The following RBM45 variants were observed in gnomAD, a reference collection of about 807,000 sequenced individuals.
RBM45 encodes the protein RNA binding motif protein 45.
In RBM45, 39 loss-of-function variants were observed where a neutral mutation model predicts 58.5. That is an observed-to-expected ratio of 0.67 (90% CI 0.52 to 0.87). RBM45 has a LOEUF of 0.87. Among genes scored for constraint, RBM45 ranks in the 40% least tolerant of loss-of-function variants. RBM45 has a pLI of 0.00. For synonymous variants in RBM45, 193 were observed against 203.0 expected (o/e 0.95, Z 0.42); for missense variants, 481 against 581.6 (o/e 0.83, Z 1.78).
intron 7 of RBM45, 91 bp downstream of exon 7, chr2:178,124,003 T>A: frequency 6.6e-7 from 1 of 1,504,426 alleles, no homozygotes. Flanking sequence ...TATCTGTGTA[T>A]GAAAATTTTC....
chr2:178,112,815 G>C lies in RBM45; in HGVS notation c.269G>C (p.Cys90Ser). Reference sequence around the variant, plus strand: ...GCCATGGAGGAGATGCATGGCCAGTGCCTCGGCCCCAACGACACCAAGCCC... The same window carrying C: ...GCCATGGAGGAGATGCATGGCCAGTCCCTCGGCCCCAACGACACCAAGCCC... The part of the protein sequence containing the change: ...CRAMEEMHGQ[C>S]LGPNDTKPIK... The change falls in exon 1 of 10, where the codon TGC becomes TCC. Residue 90 changes from cysteine to serine, a missense_variant. Coordinates refer to ENST00000286070, the MANE Select transcript of RBM45 (RefSeq NM_152945.4). 6.2e-7 allele frequency: 1 copy of C among 1,611,806 alleles called. No homozygotes were observed. Among genetic ancestry groups the C allele is most frequent in the Non-Finnish European group, 8.5e-7 (1 of 1,178,298 alleles).
chr2:178,134,080 T>C (rs1286167251), downstream of RBM45, among the ~76,000 whole-genome samples: 1 of 152,084 alleles, frequency 6.6e-6, no homozygotes, highest in African/African-American at 2.4e-5. Context: ...TTTATCTGAG[T>C]AATTATCAGA....
intron 9 of RBM45, among the ~76,000 whole-genome samples, chr2:178,126,962 C>T (rs563463836): frequency 6.6e-6 from 1 of 151,906 alleles, no homozygotes; most frequent in East Asian, 1.9e-4. Flanking sequence ...TCCCCCGAGA[C>T]GTCTCGGTCT....
intron 3 of RBM45, among the ~76,000 whole-genome samples, chr2:178,135,204 A>AT (rs2088035800): frequency 6.6e-6 from 1 of 152,236 alleles, no homozygotes; most frequent in South Asian, 2.1e-4. Context: ...TTAATCTGTT[A>AT]CTTAAAGGAC....
At chr2:178,132,881 C>T (rs957450883), downstream of RBM45, among the ~76,000 whole-genome samples, 3 of 152,192 alleles carry the variant, frequency 2.0e-5, no homozygotes, top group African/African-American at 2.4e-5. Context: ...AACCACTGCA[C>T]CCAGCCAAAA....
downstream of RBM45, among the ~76,000 whole-genome samples, chr2:178,130,368 T>C (rs2087993706): frequency 6.6e-6 from 1 of 151,886 alleles, no homozygotes; most frequent in Non-Finnish European, 1.5e-5. Flanking sequence ...CCACAAAACA[T>C]TATGAAATTA....
chr2:178,115,572 C>CT (rs1307062380), intron 1 of RBM45, among the ~76,000 whole-genome samples: 1 of 152,130 alleles, frequency 6.6e-6, no homozygotes, highest in African/African-American at 2.4e-5. Flanking sequence ...GGATATGTCT[C>CT]TAACACTGTG....
At position 178,112,586 on chromosome 2, in the gene RBM45, C is replaced by T. The variant is rs1253583205; in HGVS notation, c.40C>T (p.Arg14Cys). ...CAGCTCTGCGAGCGGCGGGGGCTTC[C>T]GCCCGGGCGTGGACAGCCTGGACGA... Reference protein sequence around the residue: ...AGSSASGGGFRPGVDSLDEPP... With the variant: ...AGSSASGGGFCPGVDSLDEPP... Residue 14 changes from arginine (R) to cysteine (C), a missense_variant, in exon 1 of 10, where the codon CGC becomes TGC. Transcript: ENST00000286070. 1.9e-6 allele frequency: 3 copies of T among 1,604,174 alleles called. No homozygotes were observed. The highest frequency in any genetic ancestry group is 1.7e-5 in the Admixed American group (1 of 59,600).
downstream of RBM45, among the ~76,000 whole-genome samples, chr2:178,130,740 C>G (rs1443783651): frequency 6.6e-6 from 1 of 152,182 alleles, no homozygotes; most frequent in African/African-American, 2.4e-5. Context: ...TTCTCACATT[C>G]TGACTCAAAC....
chr2:178,137,471 C>T (rs1239602204), exon 4 of RBM45: 1 of 152,174 alleles, frequency 6.6e-6, no homozygotes. Context: ...GTGGAAACAA[C>T]CCCAATGTCC....
rs768652070 is a variant in RBM45, at chr2:178,120,396, T to C, written c.660T>C (p.Asn220=). ...CTTTGGGACATGAACCTAGAGTAAA[T>C]ATGTTTCCATTTGGTAAGTAGGCAA... ...QEALGHEPRV[N]MFPFEQQSEF... Residue 220 remains asparagine (N), a synonymous_variant, in exon 4 of 10, where the codon AAT becomes AAC. Coordinates refer to ENST00000286070, the MANE Select transcript of RBM45 (RefSeq NM_152945.4). 6.2e-6 allele frequency: 10 copies of C among 1,610,436 alleles called. No homozygotes were observed. The South Asian group carries it at 8.9e-5, about 14-fold the overall frequency.
In RBM45 at chr2:178,121,231, A is replaced by G. The variant is rs367577670; in HGVS notation, c.725A>G (p.Glu242Gly). ...GACAAGAATGATAGCCGAGGCCAGGAAGCAATCTCCAAACGCTTGTCAGTT... is the reference window on the plus strand; with the variant it reads ...GACAAGAATGATAGCCGAGGCCAGGGAGCAATCTCCAAACGCTTGTCAGTT... ...SFDKNDSRGQ[E>G]AISKRLSVVS... Residue 242 changes from glutamate (E) to glycine (G), a missense_variant, in exon 5 of 10, where the codon GAA becomes GGA. Glu to Gly is a moderately conservative substitution (Grantham distance 98). Coordinates refer to ENST00000286070, the MANE Select transcript of RBM45 (RefSeq NM_152945.4). 12 of 1,584,196 alleles carry G rather than the reference A, an allele frequency of 7.6e-6. No individual in the cohort carries two copies. The highest frequency in any genetic ancestry group is 4.1e-5 in the African/African-American group (3 of 73,304).
intron 9 of RBM45, among the ~76,000 whole-genome samples, chr2:178,128,684 G>A (rs1333254017): frequency 1.3e-5 from 2 of 152,104 alleles, no homozygotes; most frequent in Admixed American, 1.3e-4. Flanking sequence ...GATAAAATAG[G>A]GTCAGGTTAG....
At chr2:178,133,961 T>C (rs1320752093), downstream of RBM45, 5 of 152,218 alleles carry the variant, frequency 3.3e-5, no homozygotes, top group African/African-American at 1.2e-4. Flanking sequence ...TTGTAGTTCA[T>C]TCATTACAAT....
downstream of RBM45, among the ~76,000 whole-genome samples, chr2:178,130,666 T>G (rs2087996352): frequency 6.6e-6 from 1 of 152,224 alleles, no homozygotes; most frequent in Admixed American, 6.5e-5. Flanking sequence ...CATTTGGCAC[T>G]TTTTATAAAA....
intron 5 of RBM45, 122 bp from the exon 6 acceptor site, chr2:178,123,399 CT>C: frequency 1.1e-6 from 1 of 936,444 alleles, no homozygotes; most frequent in Non-Finnish European, 1.5e-6. Flanking sequence ...ACATTCGATT[CT>C]GTATTTACTA....
chr2:178,136,220 G>A (rs900696241), intron 3 of RBM45, among the ~76,000 whole-genome samples: 1 of 152,194 alleles, frequency 6.6e-6, no homozygotes, highest in Non-Finnish European at 1.5e-5. Context: ...TGAGGCAGGA[G>A]AAAGGTGTAA....
At chr2:178,122,630 A>T (rs1022354588) in intron 5 of RBM45, among the ~76,000 whole-genome samples, 2 of 152,042 alleles carry the variant, frequency 1.3e-5, no homozygotes, top group Admixed American at 1.3e-4. Context: ...GTATGTCAAA[A>T]TGTATTTGTT....
downstream of RBM45, among the ~76,000 whole-genome samples, chr2:178,134,247 G>A (rs151148249): frequency 1.1e-3 from 161 of 152,238 alleles, 1 homozygote; most frequent in Middle Eastern, 0.01. Flanking sequence ...GGAAGGCATC[G>A]GAAGACCATT....
Sources: allele counts gnomAD v4.1 joint callset (sites outside exome capture counted in the v4.1 genomes callset), GRCh38; gene constraint gnomAD v4.1.1; transcripts MANE v1.5; gene names NCBI Gene and HGNC (gene_info 2026-07-23, HGNC 2026-07-21).